Variants in LAMA2 observed in about 807,000 individuals in gnomAD.
The protein encoded by LAMA2 is laminin subunit alpha 2.
Under a neutral mutation model 364.8 loss-of-function variants are expected in LAMA2, and 269 were observed. That is an observed-to-expected ratio of 0.74 (90% CI 0.67 to 0.82). LAMA2 has a LOEUF of 0.82. Among genes scored for constraint, LAMA2 ranks in the 40% least tolerant of loss-of-function variants. LAMA2 has a pLI of 0.00. For missense variants in LAMA2, 3,807 were observed against 3,873.2 expected, an observed-to-expected ratio of 0.98 and a Z score of 0.45; for synonymous variants, 1,379 against 1,370.6, an observed-to-expected ratio of 1.01 and a Z score of -0.14.
At chr6:128,944,136 C>T (rs1280519930) in intron 1 of LAMA2, among the ~76,000 whole-genome samples, 2 of 152,070 alleles carry the variant, frequency 1.3e-5, no homozygotes, top group Admixed American at 1.3e-4. Flanking sequence ...CAAATGGGAC[C>T]TTAAACAATA....
At chr6:129,093,107 G>A (rs1028820556) in intron 3 of LAMA2, among the ~76,000 whole-genome samples, 9 of 151,518 alleles carry the variant, frequency 5.9e-5, no homozygotes, top group African/African-American at 2.2e-4. Context: ...CTCAGCTTCC[G>A]GAGTAGCTGG....
At chr6:129,427,439 T>C (rs1463493550) in intron 40 of LAMA2, among the ~76,000 whole-genome samples, 1 of 152,200 alleles carries the variant, frequency 6.6e-6, no homozygotes, top group Non-Finnish European at 1.5e-5. Flanking sequence ...CATCTCTTAA[T>C]TTCCATAGTG....
intron 48 of LAMA2, 74 bp downstream of exon 48, chr6:129,456,568 T>C: frequency 1.5e-6 from 2 of 1,335,178 alleles, no homozygotes; most frequent in Non-Finnish European, 1.1e-6. Context: ...CAGGAGAAGG[T>C]ATGATAAAGC....
intron 1 of LAMA2, among the ~76,000 whole-genome samples, chr6:128,931,043 A>AT (rs1349880637): frequency 1.3e-5 from 2 of 152,196 alleles, no homozygotes; most frequent in Non-Finnish European, 2.9e-5. Context: ...GCAAAAAAAA[A>AT]GGGACAAGAA....
At chr6:129,257,894 T>C (rs3823007) in intron 14 of LAMA2, among the ~76,000 whole-genome samples, 25,369 of 152,044 alleles carry the variant, frequency 0.17, 2,313 homozygotes, top group South Asian at 0.24. Context: ...GTAGTCTTTA[T>C]TGTATCCTTT....
In LAMA2 at chr6:129,512,508, T is replaced by G; in HGVS notation, c.8988+15T>G. 1.2e-6 allele frequency: 2 copies of G among 1,613,098 alleles called. No homozygotes were observed. The highest frequency in any genetic ancestry group is 8.5e-7 in the Non-Finnish European group (1 of 1,179,158). On this transcript the variant is annotated intron_variant, in intron 63 of 64. Coordinates refer to ENST00000421865, the MANE Select transcript of LAMA2 (RefSeq NM_000426.4). Reference sequence around the variant, plus strand: ...TTGATGAAAAGGTGAGTGTCAGCAATGCAAACATTTCTGATTTCTTCATGA... The same window carrying G: ...TTGATGAAAAGGTGAGTGTCAGCAAGGCAAACATTTCTGATTTCTTCATGA...
intron 1 of LAMA2, among the ~76,000 whole-genome samples, chr6:128,916,949 C>T (rs1045032716): frequency 6.6e-6 from 1 of 152,260 alleles, no homozygotes; most frequent in African/African-American, 2.4e-5. Context: ...AACTTTTAAG[C>T]ATTAGGTTTG....
At chr6:129,256,005 A>C (rs1244518903) in intron 14 of LAMA2, among the ~76,000 whole-genome samples, 9 of 152,206 alleles carry the variant, frequency 5.9e-5, no homozygotes, top group Admixed American at 1.3e-4. Flanking sequence ...TCAGTCTGCA[A>C]ATATTTACTG....
rs534638863 is a variant in LAMA2 at position 129,351,102 on chromosome 6, T to C, written c.4523+1718T>C. On this transcript the variant is annotated intron_variant, in intron 31 of 64. Coordinates refer to ENST00000421865, the MANE Select transcript of LAMA2 (RefSeq NM_000426.4). Reference sequence around the variant, plus strand: ...GCTTTGGTATTCATGGTTAGACTAATATTTATTTCCTGTACCTTTAAACAC... The same window carrying C: ...GCTTTGGTATTCATGGTTAGACTAACATTTATTTCCTGTACCTTTAAACAC... 4.0e-4 allele frequency among the ~76,000 whole-genome samples: 61 copies of C among 152,290 alleles called. 1 individual carries two copies. In the South Asian group the frequency reaches 7.9e-3, roughly 20 times the overall value.
intron 1 of LAMA2, among the ~76,000 whole-genome samples, chr6:128,906,096 T>G (rs1254318047): frequency 6.7e-6 from 1 of 149,130 alleles, no homozygotes. Flanking sequence ...AATAAACATA[T>G]GTGTGCATGT....
chr6:128,970,045 T>G (rs1257363800), intron 1 of LAMA2, among the ~76,000 whole-genome samples: 1 of 152,214 alleles, frequency 6.6e-6, no homozygotes, highest in Non-Finnish European at 1.5e-5. Flanking sequence ...ATGAAGTATC[T>G]GGCTCTTGGA....
intron 19 of LAMA2, among the ~76,000 whole-genome samples, chr6:129,289,718 A>T (rs893061979): frequency 6.6e-6 from 1 of 152,068 alleles, no homozygotes; most frequent in African/African-American, 2.4e-5. Flanking sequence ...TTATTATGGT[A>T]ATTTATTATG....
chr6:129,214,905 C>T (rs2115080090), intron 12 of LAMA2, among the ~76,000 whole-genome samples: 1 of 152,272 alleles, frequency 6.6e-6, no homozygotes, highest in South Asian at 2.1e-4. Context: ...TATTTATGGA[C>T]ATGGAATACC....
At position 129,402,377 on chromosome 6, in the gene LAMA2, T is replaced by G; in HGVS notation, c.5616T>G (p.Asp1872Glu). Residue 1872 changes from aspartate to glutamate, a missense_variant, in exon 39 of 65, where the codon GAT (aspartate) becomes GAG (glutamate). By Grantham distance (45) the Asp-to-Glu change is conservative. Coordinates refer to ENST00000421865, the MANE Select transcript of LAMA2 (RefSeq NM_000426.4). ...CACCTATGTCTGAGGAGCTTAATGATAAAATAGATGACCTCTCCCAAGAAA... is the reference window on the plus strand; with the variant it reads ...CACCTATGTCTGAGGAGCTTAATGAGAAAATAGATGACCTCTCCCAAGAAA... ...KLPPMSEELN[D>E]KIDDLSQEIK... 6.2e-7 allele frequency: 1 copy of G among 1,614,056 alleles called. No homozygotes were observed.
In LAMA2 at chr6:129,059,698, C is replaced by CGGT. The variant is rs143205326; in HGVS notation, c.284-86_284-85insGGT. The CGGT allele has an allele frequency of 8.6e-6, 7 of 813,996 alleles. No homozygotes were observed. In the South Asian group the frequency reaches 8.6e-5, roughly 10 times the overall value. The allele number at this position is 813,996 out of a possible 1,614,324, so 50.4% of individuals were successfully genotyped here. On this transcript the variant is annotated intron_variant, in intron 2 of 64. Coordinates refer to ENST00000421865, the MANE Select transcript of LAMA2 (RefSeq NM_000426.4). ...ATATTCACATGATGGTTGTTTTAAC[C>CGGT]ATTTTTTTTTACTTTAAAGAAAAAG... is the stretch of plus-strand genomic sequence containing the variant.
At chr6:128,912,132 T>C (rs1562822455) in intron 1 of LAMA2, among the ~76,000 whole-genome samples, 1 of 152,238 alleles carries the variant, frequency 6.6e-6, no homozygotes, top group East Asian at 1.9e-4. Flanking sequence ...TATGGACATA[T>C]GTTTTCATTT....
intron 9 of LAMA2, among the ~76,000 whole-genome samples, 191 bp from the exon 10 acceptor site, chr6:129,177,515 A>G (rs1410972348): frequency 6.6e-6 from 1 of 152,162 alleles, no homozygotes; most frequent in Non-Finnish European, 1.5e-5. Context: ...AGAAGATGCT[A>G]TGTTCACGTA....
intron 12 of LAMA2, among the ~76,000 whole-genome samples, chr6:129,215,275 A>G (rs1783355393): frequency 1.3e-5 from 2 of 152,184 alleles, no homozygotes; most frequent in Non-Finnish European, 2.9e-5. Flanking sequence ...CTTACAGTCT[A>G]AAAGACTAAA....
At chr6:129,264,026 G>C (rs1029358775) in intron 15 of LAMA2, among the ~76,000 whole-genome samples, 1 of 152,142 alleles carries the variant, frequency 6.6e-6, no homozygotes, top group Non-Finnish European at 1.5e-5. Context: ...TTACAGGCAT[G>C]GGCCAACGCA....
Sources: allele counts gnomAD v4.1 joint callset (sites outside exome capture counted in the v4.1 genomes callset), GRCh38; gene constraint gnomAD v4.1.1; transcripts MANE v1.5; gene names NCBI Gene and HGNC (gene_info 2026-07-23, HGNC 2026-07-21).